Variants in ZNF653 observed in about 807,000 individuals in gnomAD.
ZNF653 encodes the protein 67 kDa zinc finger protein.
A neutral mutation model predicts 59.9 loss-of-function variants in ZNF653; 37 were observed. The ratio of observed to expected loss-of-function variants is 0.62; its 90% CI spans 0.48 to 0.81. The LOEUF is 0.81. Ranked by LOEUF, ZNF653 falls within the 40% of genes least tolerant of loss-of-function variation. The pLI, the probability that ZNF653 is intolerant of heterozygous loss-of-function variation, is 0.00. For missense variants in ZNF653, 808 were observed against 881.1 expected (o/e 0.92, Z 1.05); for synonymous variants, 435 against 371.8 (o/e 1.17, Z -1.96).
At chr19:11,504,227 C>G (rs779002256) in intron 1 of ZNF653, among the ~76,000 whole-genome samples, 2 of 152,020 alleles carry the variant, frequency 1.3e-5, no homozygotes, top group African/African-American at 2.4e-5. Context: ...GAGTAAAACC[C>G]TGTCTCTACT....
chr19:11,497,758 C>T (rs1473844952), intron 2 of ZNF653, among the ~76,000 whole-genome samples: 4 of 152,162 alleles, frequency 2.6e-5, no homozygotes, highest in Non-Finnish European at 5.9e-5. Flanking sequence ...CACCCACAGC[C>T]GCCTCTCCGG....
At position 11,486,756 on chromosome 19, in the gene ZNF653, G is replaced by A. The variant is rs1162525889; in HGVS notation, c.1455+13C>T. 6.3e-7 allele frequency: 1 copy of A among 1,591,072 alleles called. No homozygotes were observed. The highest frequency in any genetic ancestry group is 8.6e-7 in the Non-Finnish European group (1 of 1,168,698). ...GTGGGCCTGGCCCAGGCTGCTCCGG[G>A]TGGCGGCCTCACCTGGAAGCTGCTG... On this transcript the variant is annotated intron_variant, in intron 6 of 8. Coordinates refer to ENST00000293771, the MANE Select transcript of ZNF653 (RefSeq NM_138783.4).
At position 11,486,976 on chromosome 19, in the gene ZNF653, C is replaced by T. The variant is rs1971473613; in HGVS notation, c.1343+11G>A. On this transcript the variant is annotated intron_variant, in intron 5 of 8. Transcript: ENST00000293771. ...GCCCTCGCCCTCACCCTTGCCCGCC[C>T]CGGCACCCACTTCTCAGGCTCCTTG... 6.2e-7 allele frequency: 1 copy of T among 1,613,280 alleles called. No individual in the cohort carries two copies. Among genetic ancestry groups the T allele is most frequent in the East Asian group, 2.2e-5 (1 of 44,876 alleles).
chr19:11,505,167 G>C (rs2144957120), intron 1 of ZNF653: 1 of 297,090 alleles, frequency 3.4e-6, no homozygotes, highest in East Asian at 6.6e-5. Context: ...GCCCCCCCAG[G>C]GCCTGGTTAG....
chr19:11,487,179 G>T lies in ZNF653; in HGVS notation c.1172-21C>A. 2 of 1,608,660 alleles carry T rather than the reference G, an allele frequency of 1.2e-6. No homozygotes were observed. The highest frequency in any genetic ancestry group is 1.7e-6 in the Non-Finnish European group (2 of 1,179,090). ...CTTCTCTACAGGGTGGACACAGGGT[G>T]GTGTCCGCAGGGGACGAAGGCTGCC... On this transcript the variant is annotated intron_variant, in intron 4 of 8. Coordinates refer to ENST00000293771, the MANE Select transcript of ZNF653 (RefSeq NM_138783.4). This position sits in a 1 kb window ranked among gnomAD's most constrained non-coding sequence, Gnocchi z 5.1.
chr19:11,495,836 G>C lies in ZNF653; in HGVS notation c.559+114C>G. Reference sequence around the variant, plus strand: ...GTGTCCCTGCTCTGCCCCAGTGCCAGAGCCAGAGCCAGAGCCACTGTGGCT... The same window carrying C: ...GTGTCCCTGCTCTGCCCCAGTGCCACAGCCAGAGCCAGAGCCACTGTGGCT... On this transcript the variant is annotated intron_variant, in intron 3 of 8. Coordinates refer to ENST00000293771, the MANE Select transcript of ZNF653 (RefSeq NM_138783.4). The surrounding 1 kb of genome is among the most constrained non-coding windows in gnomAD (Gnocchi z 4.9). The C allele has an allele frequency of 8.8e-7, 1 of 1,131,364 alleles. No homozygotes were observed. Among genetic ancestry groups the C allele is most frequent in the South Asian group, 1.5e-5 (1 of 67,332 alleles). 70.1% of individuals were successfully genotyped at this position (1,131,364 alleles called of 1,614,324 possible). A position where few individuals can be genotyped will look rare whatever the true frequency, so the allele number is the denominator to read the frequency against.
chr19:11,490,018 CA>C (rs199967351), intron 3 of ZNF653, among the ~76,000 whole-genome samples: 1,747 of 152,348 alleles, frequency 0.011, 30 homozygotes, highest in African/African-American at 0.04. Context: ...GAGTGGGCGT[CA>C]AATCCTCCAA....
rs1336215526 is a variant in ZNF653, at chr19:11,486,826, C to T, written c.1398G>A (p.Met466Ile). The change falls in exon 6 of 9, where the codon ATG (methionine) becomes ATA (isoleucine). Residue 466 changes from methionine to isoleucine, a missense_variant. Physicochemically the swap from Met to Ile is conservative, Grantham distance 10. Coordinates refer to ENST00000293771, the MANE Select transcript of ZNF653 (RefSeq NM_138783.4). The part of the protein sequence containing the change: ...RVMDADGLLE[M>I]FHCPYEGCSQ... ...TGCAGCCCTCGTATGGGCAGTGGAA[C>T]ATCTCGAGCAGGCCGTCAGCATCCA... is the stretch of plus-strand genomic sequence containing the variant. 4 of 1,612,216 alleles carry T rather than the reference C, an allele frequency of 2.5e-6. No homozygotes were observed. The highest frequency in any genetic ancestry group is 3.4e-6 in the Non-Finnish European group (4 of 1,179,266).
chr19:11,496,152 G>A lies in ZNF653; in HGVS notation c.357C>T (p.Asn119=), dbSNP rs767409313. The change falls in exon 3 of 9, where the codon AAC becomes AAT. Residue 119 remains asparagine, a synonymous_variant. Coordinates refer to ENST00000293771, the MANE Select transcript of ZNF653 (RefSeq NM_138783.4). ...TCACCACGTTCTTCAGGCAGTTCAC[G>A]TTGCGTCGCCGCCCTATGGACACAG... is the stretch of plus-strand genomic sequence containing the variant. ...KPKRKKRRRR[N]VNCLKNVVIW... 1.7e-5 allele frequency: 28 copies of A among 1,613,650 alleles called. No individual in the cohort carries two copies. Among genetic ancestry groups the A allele is most frequent in the South Asian group, 7.7e-5 (7 of 91,080 alleles).
In ZNF653 at chr19:11,495,643, C is replaced by G; in HGVS notation, c.559+307G>C. 1 of 415,458 alleles carries G rather than the reference C, an allele frequency of 2.4e-6. No homozygotes were observed. The highest frequency in any genetic ancestry group is 5.2e-5 in the East Asian group (1 of 19,410). 25.7% of individuals were successfully genotyped at this position (415,458 alleles called of 1,614,324 possible). A position where few individuals can be genotyped will look rare whatever the true frequency, so the allele number is the denominator to read the frequency against. On this transcript the variant is annotated intron_variant, in intron 3 of 8. Coordinates refer to ENST00000293771, the MANE Select transcript of ZNF653 (RefSeq NM_138783.4). This position sits in a 1 kb window ranked among gnomAD's most constrained non-coding sequence, Gnocchi z 4.9. ...CGAGCCCTGCCCCAGCAGGCCTGCC[C>G]CCGCCCCAGCTGCCAAGCCAGGGCT...
chr19:11,485,072 C>A (rs111362048), intron 7 of ZNF653, among the ~76,000 whole-genome samples: 3,906 of 149,732 alleles, frequency 0.026, 80 homozygotes, highest in African/African-American at 0.065. Context: ...TTAAAAAAAA[C>A]CAAAAAAAAC....
chr19:11,496,353 C>G (rs934068576), intron 2 of ZNF653, among the ~76,000 whole-genome samples, 188 bp from the exon 3 acceptor site: 1 of 152,126 alleles, frequency 6.6e-6, no homozygotes, highest in Non-Finnish European at 1.5e-5. Flanking sequence ...CTGGAGGTAA[C>G]GGGGACTGTT....
In ZNF653 at chr19:11,486,968, T is replaced by C. The variant is rs372379622; in HGVS notation, c.1343+19A>G. ...CGCTTCTAGCCCTCGCCCTCACCCT[T>C]GCCCGCCCCGGCACCCACTTCTCAG... On this transcript the variant is annotated intron_variant, in intron 5 of 8. Transcript: ENST00000293771. 11 of 1,612,632 alleles carry C rather than the reference T, an allele frequency of 6.8e-6. No homozygotes were observed. Among genetic ancestry groups the C allele is most frequent in the Non-Finnish European group, 9.3e-6 (11 of 1,179,202 alleles).
At position 11,486,719 on chromosome 19, in the gene ZNF653, G is replaced by A. The variant is rs371929434; in HGVS notation, c.1455+50C>T. 3 of 1,473,612 alleles carry A rather than the reference G, an allele frequency of 2.0e-6. No homozygotes were observed. In the African/African-American group the frequency reaches 4.2e-5, roughly 21 times the overall value. The allele number at this position is 1,473,612 out of a possible 1,614,324, so 91.3% of individuals were successfully genotyped here. A position where few individuals can be genotyped will look rare whatever the true frequency, so the allele number is the denominator to read the frequency against. On this transcript the variant is annotated intron_variant, in intron 6 of 8. Transcript: ENST00000293771. ...AGGTAGGACATCCTGGTGGTGCCAT[G>A]GCCTGGGCCTTGTGGGCCTGGCCCA...
intron 1 of ZNF653, chr19:11,500,540 G>T (rs1349089494): frequency 6.6e-6 from 1 of 152,256 alleles, no homozygotes; most frequent in Non-Finnish European, 1.5e-5. Context: ...CGCTATGTTG[G>T]CCAGACTGGT....
intron 7 of ZNF653, 147 bp from the exon 8 acceptor site, chr19:11,484,288 C>T (rs1333224499): frequency 1.5e-6 from 1 of 668,798 alleles, no homozygotes; most frequent in Non-Finnish European, 2.6e-6. Flanking sequence ...CTACGTCCTT[C>T]CCGTGCATTT....
intron 1 of ZNF653, 131 bp from the exon 2 acceptor site, chr19:11,498,470 G>A: frequency 4.1e-6 from 5 of 1,230,392 alleles, no homozygotes; most frequent in African/African-American, 1.5e-5. Flanking sequence ...TTGAGATGGA[G>A]TCTCACTGTG....
intron 1 of ZNF653, among the ~76,000 whole-genome samples, chr19:11,503,137 T>C (rs1022585963): frequency 3.9e-5 from 6 of 152,258 alleles, no homozygotes; most frequent in African/African-American, 1.4e-4. Context: ...CCCACCTCAC[T>C]GGGAGGAAAA....
At chr19:11,498,401 G>A (rs1430705018) in intron 1 of ZNF653, 62 bp from the exon 2 acceptor site, 6 of 1,607,196 alleles carry the variant, frequency 3.7e-6, no homozygotes, top group Non-Finnish European at 5.1e-6. Flanking sequence ...TCTGACCCAT[G>A]AGTAACAACA....
Sources: gnomAD v4.1 joint callset for allele counts (sites outside exome capture counted in the v4.1 genomes callset) on GRCh38, gnomAD v4.1.1 for gene constraint, Gnocchi (gnomAD v3.1) non-coding constraint, MANE v1.5 for transcripts, NCBI Gene and HGNC (gene_info 2026-07-23, HGNC 2026-07-21) for gene names.